ESF1: variants seen among roughly 807,000 people sequenced by gnomAD.
ESF1 encodes the protein ESF1 nucleolar pre-rRNA processing protein.
In ESF1, 58 loss-of-function variants were observed where a neutral mutation model predicts 92.0. The observed-to-expected ratio is 0.63, with a 90% CI of 0.51 to 0.78. ESF1 has a LOEUF of 0.78. ESF1 is among the 30% of genes least tolerant of loss of function. The probability of loss-of-function intolerance (pLI) is 0.00; values close to 1 mark genes in which losing one functional copy is unlikely to be tolerated. For synonymous variants in ESF1, 321 were observed against 313.7 expected (o/e 1.02, Z -0.24); for missense variants, 922 against 989.1 (o/e 0.93, Z 0.91).
intron 9 of ESF1, 121 bp downstream of exon 9, chr20:13,759,571 A>G: frequency 7.7e-7 from 1 of 1,291,634 alleles, no homozygotes. Flanking sequence ...AGTTAGTTAA[A>G]TGGTGTATGC....
chr20:13,718,492 GA>G (rs1355821983), intron 12 of ESF1, among the ~76,000 whole-genome samples: 2 of 152,118 alleles, frequency 1.3e-5, no homozygotes, highest in Non-Finnish European at 2.9e-5. Context: ...TTCACAATAA[GA>G]AAAACAGAAA....
intron 8 of ESF1, among the ~76,000 whole-genome samples, chr20:13,763,808 T>C (rs1329077882): frequency 3.0e-4 from 45 of 152,234 alleles, no homozygotes; most frequent in Admixed American, 2.9e-3. Flanking sequence ...TTAACTCCCA[T>C]TGCAAATACA....
intron 5 of ESF1, among the ~76,000 whole-genome samples, chr20:13,771,888 G>A (rs367728194): frequency 2.8e-5 from 4 of 145,060 alleles, no homozygotes; most frequent in African/African-American, 1.0e-4. Context: ...CTATAAGTTT[G>A]ATTTTGCTTA....
intron 11 of ESF1, among the ~76,000 whole-genome samples, chr20:13,723,938 C>A (rs921080375): frequency 6.6e-6 from 1 of 152,230 alleles, no homozygotes; most frequent in African/African-American, 2.4e-5. Context: ...GAAGGCAACA[C>A]TGTAGTAATA....
chr20:13,731,258 T>G (rs1316955782), intron 10 of ESF1, among the ~76,000 whole-genome samples: 1 of 151,924 alleles, frequency 6.6e-6, no homozygotes, highest in Admixed American at 6.6e-5. Context: ...ACTTGTGGAG[T>G]TATTTCATTT....
chr20:13,757,993 G>C (rs1354806733), intron 9 of ESF1, among the ~76,000 whole-genome samples: 1 of 152,070 alleles, frequency 6.6e-6, no homozygotes, highest in East Asian at 1.9e-4. Flanking sequence ...AAAGTCAAGG[G>C]ACTCAAGTAA....
chr20:13,760,135 T>G (rs943308344), intron 8 of ESF1, among the ~76,000 whole-genome samples: 2 of 152,254 alleles, frequency 1.3e-5, no homozygotes, highest in Admixed American at 1.3e-4. Context: ...TTTGGGCTTC[T>G]TTTTCCTATA....
intron 7 of ESF1, 141 bp downstream of exon 7, chr20:13,769,766 A>G: frequency 1.5e-6 from 1 of 650,524 alleles, no homozygotes; most frequent in Non-Finnish European, 2.7e-6. Context: ...AGCCTGGGTG[A>G]GAGAGCGAGA....
chr20:13,725,125 C>T (rs2049892928), intron 11 of ESF1, among the ~76,000 whole-genome samples: 1 of 152,208 alleles, frequency 6.6e-6, no homozygotes. Context: ...CCTGCCCCCT[C>T]CAGTGACCTG....
intron 9 of ESF1, among the ~76,000 whole-genome samples, chr20:13,751,308 A>C (rs1014655765): frequency 6.6e-6 from 1 of 152,270 alleles, no homozygotes; most frequent in Non-Finnish European, 1.5e-5. Flanking sequence ...CAAAGAATTC[A>C]CAACTTCAAA....
chr20:13,733,490 G>C (rs1376376231), intron 10 of ESF1, among the ~76,000 whole-genome samples: 1 of 152,186 alleles, frequency 6.6e-6, no homozygotes, highest in Non-Finnish European at 1.5e-5. Context: ...TAAAATGTCA[G>C]AATGCAGCAG....
At chr20:13,755,691 G>A (rs987133462) in intron 9 of ESF1, among the ~76,000 whole-genome samples, 1 of 152,056 alleles carries the variant, frequency 6.6e-6, no homozygotes, top group African/African-American at 2.4e-5. Context: ...TAATAAAATT[G>A]TATTATTACA....
At chr20:13,760,531 C>G (rs990037752) in intron 8 of ESF1, among the ~76,000 whole-genome samples, 9 of 151,512 alleles carry the variant, frequency 5.9e-5, no homozygotes, top group Non-Finnish European at 8.8e-5. Context: ...GCCACCCCGT[C>G]TGAGAAGTGA....
intron 1 of ESF1, 63 bp from the exon 2 acceptor site, chr20:13,783,246 A>G: frequency 1.1e-6 from 1 of 911,658 alleles, no homozygotes; most frequent in Non-Finnish European, 1.5e-6. Context: ...AATGTTTTAA[A>G]ACACATTCAC....
intron 7 of ESF1, 117 bp from the exon 8 acceptor site, chr20:13,767,041 A>C: frequency 1.2e-6 from 1 of 863,774 alleles, no homozygotes; most frequent in Non-Finnish European, 1.8e-6. Context: ...GTTAAGACAC[A>C]TTAAAACAAA....
intron 9 of ESF1, among the ~76,000 whole-genome samples, chr20:13,750,332 C>T (rs1978573038): frequency 6.6e-6 from 1 of 152,062 alleles, no homozygotes; most frequent in Non-Finnish European, 1.5e-5. Context: ...TGGTGAAACC[C>T]CATCTCTACA....
intron 8 of ESF1, among the ~76,000 whole-genome samples, chr20:13,760,460 G>T (rs1232696276): frequency 7.2e-6 from 1 of 139,706 alleles, no homozygotes; most frequent in Non-Finnish European, 1.6e-5. Context: ...CCGTCTGGGA[G>T]GTGAGGAGCG....
At chr20:13,733,063 T>C (rs2049954133) in intron 10 of ESF1, among the ~76,000 whole-genome samples, 1 of 151,924 alleles carries the variant, frequency 6.6e-6, no homozygotes, top group African/African-American at 2.4e-5. Flanking sequence ...GTAGCTGGGA[T>C]TACAGGTGCG....
At position 13,759,640 on chromosome 20, in the gene ESF1, C is replaced by T. The variant is rs139347477; in HGVS notation, c.1828+52G>A. On this transcript the variant is annotated intron_variant, in intron 9 of 13. Coordinates refer to ENST00000617257, the MANE Select transcript of ESF1 (RefSeq NM_001276380.2). ...CCGGCTCCTTCATATTTAAAAGGTACTCAACATGCTGAAATTCGAAAAAGA... is the reference window on the plus strand; with the variant it reads ...CCGGCTCCTTCATATTTAAAAGGTATTCAACATGCTGAAATTCGAAAAAGA... The T allele has an allele frequency of 1.1e-3, 1,733 of 1,553,750 alleles. 35 individuals are homozygous for T. The East Asian group carries it at 0.031, about 28-fold the overall frequency.
Sources: allele counts gnomAD v4.1 joint callset (sites outside exome capture counted in the v4.1 genomes callset), GRCh38; gene constraint gnomAD v4.1.1; transcripts MANE v1.5; gene names NCBI Gene and HGNC (gene_info 2026-07-23, HGNC 2026-07-21).